The following SEMA3A variants were observed in gnomAD, a reference collection of about 807,000 sequenced individuals.
SEMA3A encodes the protein semaphorin-3A.
SEMA3A carries 29 observed loss-of-function variants against 97.9 expected under a neutral mutation model. The ratio of observed to expected loss-of-function variants is 0.30; its 90% CI spans 0.22 to 0.40. The LOEUF is 0.40. Among genes scored for constraint, SEMA3A ranks in the 10% least tolerant of loss-of-function variants. The pLI, the probability that SEMA3A is intolerant of heterozygous loss-of-function variation, is 1.00. For missense variants in SEMA3A, 763 were observed against 951.3 expected, an observed-to-expected ratio of 0.80 and a Z score of 2.60; for synonymous variants, 321 against 323.7, an observed-to-expected ratio of 0.99 and a Z score of 0.09.
intron 1 of SEMA3A, among the ~76,000 whole-genome samples, chr7:84,373,511 C>T (rs926126737): frequency 6.6e-6 from 1 of 152,094 alleles, no homozygotes; most frequent in Non-Finnish European, 1.5e-5. Context: ...TGACTTACCC[C>T]AAAGTAAATT....
chr7:84,327,794 T>C (rs1459762817), intron 2 of SEMA3A, among the ~76,000 whole-genome samples: 1 of 151,982 alleles, frequency 6.6e-6, no homozygotes, highest in East Asian at 1.9e-4. Context: ...AGCATGCAAA[T>C]GATGCAAGCT....
chr7:84,435,254 T>TACACACACAC (rs34631045), intron 1 of SEMA3A, among the ~76,000 whole-genome samples: 1 of 148,052 alleles, frequency 6.8e-6, no homozygotes. Flanking sequence ...GTACAACAGC[T>TACACACACAC]ACACACACAC....
intron 2 of SEMA3A, among the ~76,000 whole-genome samples, chr7:84,134,053 TC>T (rs1796048958): frequency 6.6e-6 from 1 of 151,980 alleles, no homozygotes; most frequent in African/African-American, 2.4e-5. Flanking sequence ...AGAGCGAGAC[TC>T]CATCTCAAAA....
At chr7:84,232,945 C>T (rs771212528) in intron 3 of SEMA3A, among the ~76,000 whole-genome samples, 19 of 151,908 alleles carry the variant, frequency 1.3e-4, no homozygotes, top group Non-Finnish European at 1.5e-5. Flanking sequence ...GTCAACAAGT[C>T]CCTTCTTAGG....
intron 6 of SEMA3A, among the ~76,000 whole-genome samples, chr7:84,035,295 A>G (rs1304948090): frequency 6.6e-6 from 1 of 152,092 alleles, no homozygotes; most frequent in Non-Finnish European, 1.5e-5. Context: ...ACACATTTAC[A>G]TAGTAAAAAC....
At chr7:84,204,178 A>T (rs1281855960) in intron 3 of SEMA3A, among the ~76,000 whole-genome samples, 1 of 152,236 alleles carries the variant, frequency 6.6e-6, no homozygotes, top group South Asian at 2.1e-4. Context: ...TTTTTAATTT[A>T]AAAATTAAGA....
At chr7:84,424,927 AT>A (rs1381761579) in intron 1 of SEMA3A, among the ~76,000 whole-genome samples, 3 of 98,682 alleles carry the variant, frequency 3.0e-5, no homozygotes, top group African/African-American at 1.3e-4. Context: ...ATATATATTT[AT>A]ATTTATATAA....
chr7:84,468,380 G>A (rs1379659659), intron 1 of SEMA3A, among the ~76,000 whole-genome samples: 1 of 152,152 alleles, frequency 6.6e-6, no homozygotes, highest in Non-Finnish European at 1.5e-5. Context: ...TCTTATTTAT[G>A]TAATGGTTAT....
rs560916286 is a variant in SEMA3A, at chr7:84,421,781, G to GT, written c.-245-49882dup. On this transcript the variant is annotated intron_variant, in intron 1 of 3. Coordinates refer to the SEMA3A transcript ENST00000424555. ...CTGCATCTATTCAGATAATCATGTG[G>GT]TTTTTTTTGTTGGTTCTGTTTATGT... Among the ~76,000 whole-genome samples, 460 of 151,826 alleles carry GT rather than the reference G, an allele frequency of 3.0e-3. 3 individuals are homozygous for GT. The highest frequency in any genetic ancestry group is 0.011 in the African/African-American group (438 of 41,410).
intron 1 of SEMA3A, among the ~76,000 whole-genome samples, chr7:84,440,513 G>A (rs1406881619): frequency 2.0e-5 from 3 of 152,094 alleles, no homozygotes; most frequent in African/African-American, 7.2e-5. Context: ...GGACTTAAAG[G>A]GCCAATGAAT....
chr7:84,358,592 T>C (rs1802631253), intron 2 of SEMA3A, among the ~76,000 whole-genome samples: 1 of 152,140 alleles, frequency 6.6e-6, no homozygotes, highest in African/African-American at 2.4e-5. Context: ...CTTTGTTCTT[T>C]TGGCTTAGGA....
At position 84,278,707 on chromosome 7, in the gene SEMA3A, G is replaced by T. The variant is rs138523874; in HGVS notation, c.-83+28500C>A. On this transcript the variant is annotated intron_variant, in intron 3 of 3. Coordinates refer to the SEMA3A transcript ENST00000424555. ...AGGATAAAATGAGAATGTTGAGGAG[G>T]CGCCTCACTTTTAAACAATCAGATC... Among the ~76,000 whole-genome samples the T allele has an allele frequency of 4.5e-3, 687 of 152,118 alleles. 1 individual carries two copies. The highest frequency in any genetic ancestry group is 6.6e-3 in the Non-Finnish European group (450 of 67,988).
In SEMA3A at chr7:84,284,084, C is replaced by A. The variant is rs112504564; in HGVS notation, c.-83+23123G>T. Among the ~76,000 whole-genome samples the A allele has an allele frequency of 3.3e-5, 5 of 152,042 alleles. 1 individual carries two copies. The highest frequency in any genetic ancestry group is 1.2e-4 in the African/African-American group (5 of 41,508). ...TTATCAACATCATGTCTGAAAATGA[C>A]CTTTTTGATTTGTTTTTAAATTTAG... On this transcript the variant is annotated intron_variant, in intron 3 of 3. Coordinates refer to the SEMA3A transcript ENST00000424555.
At chr7:84,060,085 GA>G (rs1444389195) in intron 5 of SEMA3A, among the ~76,000 whole-genome samples, 1 of 152,112 alleles carries the variant, frequency 6.6e-6, no homozygotes, top group Non-Finnish European at 1.5e-5. Context: ...TTCCAAAAAA[GA>G]AGAGCTAATT....
At chr7:84,171,065 G>A (rs371590818) in intron 1 of SEMA3A, among the ~76,000 whole-genome samples, 5 of 152,046 alleles carry the variant, frequency 3.3e-5, no homozygotes, top group East Asian at 1.9e-4. Flanking sequence ...GATGGTGAAA[G>A]AAAGAAATTG....
intron 1 of SEMA3A, among the ~76,000 whole-genome samples, chr7:84,153,575 A>C (rs891983719): frequency 6.6e-6 from 1 of 152,278 alleles, no homozygotes. Flanking sequence ...TAGTTTCTTA[A>C]ATTTAGCCTT....
chr7:84,061,056 T>A (rs1455997657), intron 4 of SEMA3A, among the ~76,000 whole-genome samples: 1 of 152,216 alleles, frequency 6.6e-6, no homozygotes, highest in East Asian at 1.9e-4. Flanking sequence ...TTTTCCCCAC[T>A]ATGTCCTTTG....
At chr7:84,045,170 T>C (rs1792301097) in intron 6 of SEMA3A, among the ~76,000 whole-genome samples, 1 of 151,928 alleles carries the variant, frequency 6.6e-6, no homozygotes, top group Non-Finnish European at 1.5e-5. Context: ...ACAGAAGGAA[T>C]GAACTAAATT....
At chr7:84,392,345 T>A (rs1223520349) in intron 1 of SEMA3A, among the ~76,000 whole-genome samples, 1 of 152,176 alleles carries the variant, frequency 6.6e-6, no homozygotes, top group Non-Finnish European at 1.5e-5. Flanking sequence ...TTGGCTTATT[T>A]CACTTAGTAT....
Sources: allele counts gnomAD v4.1 joint callset (sites outside exome capture counted in the v4.1 genomes callset), GRCh38; gene constraint gnomAD v4.1.1; transcripts MANE v1.5; gene names NCBI Gene and HGNC (gene_info 2026-07-23, HGNC 2026-07-21).